VPS13B: variants seen among roughly 807,000 people sequenced by gnomAD.
VPS13B encodes the protein vacuolar protein sorting 13 homolog B.
In VPS13B, 285 loss-of-function variants were observed where a neutral mutation model predicts 426.4. The observed-to-expected ratio is 0.67, with a 90% CI of 0.61 to 0.74. The LOEUF is 0.74. VPS13B is among the 30% of genes least tolerant of loss of function. The pLI is 0.00. For missense variants in VPS13B, 4,537 were observed against 4,782.6 expected (o/e 0.95, Z 1.51); for synonymous variants, 1,676 against 1,676.4 (o/e 1.00, Z 0.01).
At chr8:99,223,748 G>C (rs574756619) in intron 17 of VPS13B, among the ~76,000 whole-genome samples, 1 of 152,062 alleles carries the variant, frequency 6.6e-6, no homozygotes, top group African/African-American at 2.4e-5. Context: ...TTTCATATGT[G>C]TATAAAATTG....
At chr8:99,322,620 A>C (rs1378789806) in intron 19 of VPS13B, among the ~76,000 whole-genome samples, 1 of 152,206 alleles carries the variant, frequency 6.6e-6, no homozygotes, top group African/African-American at 2.4e-5. Context: ...ACATGAATGC[A>C]ATCCACATGT....
intron 30 of VPS13B, among the ~76,000 whole-genome samples, chr8:99,547,760 G>A (rs1824068307): frequency 6.6e-6 from 1 of 152,034 alleles, no homozygotes; most frequent in Admixed American, 6.6e-5. Flanking sequence ...AAGAGTTTCG[G>A]AAGGGCAAAG....
At chr8:99,510,091 A>G (rs1821704933) in intron 28 of VPS13B, among the ~76,000 whole-genome samples, 1 of 152,228 alleles carries the variant, frequency 6.6e-6, no homozygotes, top group South Asian at 2.1e-4. Context: ...GGATAGTGAT[A>G]ATTAGATTTT....
intron 54 of VPS13B, among the ~76,000 whole-genome samples, chr8:99,837,241 G>GGCCACACTCACCCTGGAGA (rs1173446758): frequency 1.3e-5 from 2 of 152,072 alleles, no homozygotes; most frequent in Admixed American, 1.3e-4. Context: ...TGCACTGGAG[G>GGCCACACTCACCCTGGAGA]GCCACACTCA....
At chr8:99,826,212 T>C (rs1814674254) in intron 51 of VPS13B, among the ~76,000 whole-genome samples, 1 of 152,220 alleles carries the variant, frequency 6.6e-6, no homozygotes, top group African/African-American at 2.4e-5. Flanking sequence ...GCATGGAATG[T>C]TTTTCCATTT....
At position 99,234,465 on chromosome 8, in the gene VPS13B, C is replaced by T. The variant is rs563352231; in HGVS notation, c.2516-39733C>T. 73 of 575,270 alleles carry T rather than the reference C, an allele frequency of 1.3e-4. 2 individuals are homozygous for T. The highest frequency in any genetic ancestry group is 7.0e-4 in the South Asian group (48 of 68,746). The allele number at this position is 575,270 out of a possible 1,614,324, so 35.6% of individuals were successfully genotyped here. A position where few individuals can be genotyped will look rare whatever the true frequency, so the allele number is the denominator to read the frequency against. ...CCATGCAATTCCACTTTACCTTGGC[C>T]TCGCCGCCGCCCCGCCCCGACTCTA... On this transcript the variant is annotated intron_variant, in intron 17 of 61. Transcript: ENST00000357162.
At chr8:99,263,541 A>G (rs537683268) in intron 17 of VPS13B, among the ~76,000 whole-genome samples, 115 of 152,172 alleles carry the variant, frequency 7.6e-4, no homozygotes, top group Non-Finnish European at 1.3e-3. Flanking sequence ...TGCTTTTTCT[A>G]GCTTTTAGAA....
At chr8:99,202,950 C>T (rs566260437) in intron 17 of VPS13B, among the ~76,000 whole-genome samples, 104 of 151,704 alleles carry the variant, frequency 6.9e-4, no homozygotes, top group African/African-American at 2.3e-3. Context: ...AGGAGAATGG[C>T]GCGAACCCAG....
chr8:99,098,384 T>C (rs1846540822), intron 4 of VPS13B, among the ~76,000 whole-genome samples: 1 of 152,130 alleles, frequency 6.6e-6, no homozygotes, highest in Non-Finnish European at 1.5e-5. Flanking sequence ...AAACAATTTG[T>C]TATAACCTAA....
chr8:99,536,238 C>G (rs1384816516), intron 30 of VPS13B, among the ~76,000 whole-genome samples: 1 of 152,066 alleles, frequency 6.6e-6, no homozygotes, highest in Non-Finnish European at 1.5e-5. Context: ...TGCCAGCCAC[C>G]GTGCCCGGCC....
rs117302266 is a variant in VPS13B, at chr8:99,270,670, C to T, written c.2516-3528C>T. 1.1e-3 allele frequency among the ~76,000 whole-genome samples: 163 copies of T among 152,276 alleles called. 3 individuals carry two copies. The highest frequency in any genetic ancestry group is 7.5e-3 in the East Asian group (39 of 5,174). On this transcript the variant is annotated intron_variant, in intron 17 of 61. Transcript: ENST00000357162. ...TAATTCAGATTTTTGGTTCTGAACA[C>T]CATCAACGACTCTTTAGAGAATCTT...
At chr8:99,163,990 T>A (rs942777128) in intron 15 of VPS13B, among the ~76,000 whole-genome samples, 5 of 152,138 alleles carry the variant, frequency 3.3e-5, no homozygotes, top group Non-Finnish European at 4.4e-5. Context: ...GACACCCCAA[T>A]TGCTGTTGGG....
chr8:99,456,523 T>C (rs367850171), intron 23 of VPS13B, among the ~76,000 whole-genome samples: 29 of 152,292 alleles, frequency 1.9e-4, no homozygotes, highest in Middle Eastern at 3.4e-3. Flanking sequence ...TATGAAATAG[T>C]TTTTTGAATA....
intron 21 of VPS13B, among the ~76,000 whole-genome samples, chr8:99,421,027 T>C (rs1403336766): frequency 6.6e-6 from 1 of 152,180 alleles, no homozygotes; most frequent in Non-Finnish European, 1.5e-5. Flanking sequence ...AATTGAGTAG[T>C]ATTCTTGATA....
At chr8:99,198,157 A>C (rs7832825) in intron 17 of VPS13B, among the ~76,000 whole-genome samples, 114 of 152,262 alleles carry the variant, frequency 7.5e-4, no homozygotes, top group African/African-American at 2.5e-3. Context: ...TGGATTTACT[A>C]TTCAAAATCT....
chr8:99,796,336 G>C lies in VPS13B; in HGVS notation c.7941+11860G>C, dbSNP rs141669809. 6.2e-3 allele frequency among the ~76,000 whole-genome samples: 946 copies of C among 151,560 alleles called. 8 individuals carry two copies. The highest frequency in any genetic ancestry group is 0.022 in the African/African-American group (889 of 41,166). On this transcript the variant is annotated intron_variant, in intron 43 of 61. Coordinates refer to ENST00000357162, the MANE Select transcript of VPS13B (RefSeq NM_152564.5). The stretch of plus-strand genomic sequence containing the variant: ...GAATGGGAAGTGACGAAGTGGTGAT[G>C]ATGAGCATGAATTTTTTTTTTTTTG...
chr8:99,346,238 A>T (rs1006831159), intron 19 of VPS13B: 2 of 152,164 alleles, frequency 1.3e-5, no homozygotes, highest in Admixed American at 6.5e-5. Context: ...ATGAGATTAC[A>T]CGCAGGGTAG....
chr8:99,439,334 T>G (rs1817565236), intron 22 of VPS13B, among the ~76,000 whole-genome samples: 1 of 152,268 alleles, frequency 6.6e-6, no homozygotes, highest in South Asian at 2.1e-4. Context: ...AAAGTTTATG[T>G]TCTCGTGAGA....
intron 25 of VPS13B, among the ~76,000 whole-genome samples, chr8:99,498,404 A>C (rs971801151): frequency 6.6e-6 from 1 of 150,958 alleles, no homozygotes; most frequent in African/African-American, 2.4e-5. Flanking sequence ...GGAAAGCATT[A>C]GGAGATATAC....
Sources: allele counts gnomAD v4.1 joint callset (sites outside exome capture counted in the v4.1 genomes callset), GRCh38; gene constraint gnomAD v4.1.1; transcripts MANE v1.5; gene names NCBI Gene and HGNC (gene_info 2026-07-23, HGNC 2026-07-21).